The following RIN3 variants were observed in gnomAD, a reference collection of about 807,000 sequenced individuals.
RIN3 encodes RAB5 interacting protein 3.
In RIN3, 54 loss-of-function variants were observed where a neutral mutation model predicts 76.3. That is an observed-to-expected ratio of 0.71 (90% CI 0.57 to 0.89). RIN3 has a LOEUF of 0.89. RIN3 is among the 40% of genes least tolerant of loss of function. The pLI is 0.00. For missense variants in RIN3, 1,256 were observed against 1,322.1 expected, an observed-to-expected ratio of 0.95 and a Z score of 0.78; for synonymous variants, 576 against 564.0, an observed-to-expected ratio of 1.02 and a Z score of -0.30.
chr14:92,680,980 G>A (rs1566903037), intron 8 of RIN3, among the ~76,000 whole-genome samples: 2 of 151,496 alleles, frequency 1.3e-5, no homozygotes, highest in Non-Finnish European at 2.9e-5. Flanking sequence ...CCCTGCCCCT[G>A]TGAAGTCATG....
chr14:92,684,102 A>G (rs930158583), intron 8 of RIN3, among the ~76,000 whole-genome samples: 1 of 152,160 alleles, frequency 6.6e-6, no homozygotes, highest in Non-Finnish European at 1.5e-5. Flanking sequence ...CACACAGTCC[A>G]GCCATGGTGG....
chr14:92,636,295 A>G lies in RIN3; in HGVS notation c.441-4943A>G, dbSNP rs1362159277. On this transcript the variant is annotated intron_variant, in intron 4 of 9. Transcript: ENST00000216487. ...AAGCTTGGATGACCATCAAAAGAAG[A>G]AAAATAGTAGCTGGGCACAGCGGCT... Among the ~76,000 whole-genome samples the G allele has an allele frequency of 3.3e-5, 5 of 152,246 alleles. No homozygotes were observed. In the East Asian group the frequency reaches 9.6e-4, roughly 29 times the overall value.
At position 92,656,681 on chromosome 14, in the gene RIN3, G is replaced by A. The variant is rs1398448451; in HGVS notation, c.2027-2480G>A. Among the ~76,000 whole-genome samples the A allele has an allele frequency of 6.6e-6, 1 of 152,228 alleles. No homozygotes were observed. Among genetic ancestry groups the A allele is most frequent in the Non-Finnish European group, 1.5e-5 (1 of 68,042 alleles). ...TGGGCACGAATGTGTGGGGCAGAGAGGTTTCCAGGCAGTGAGAGGTGGCAG... is the reference window on the plus strand; with the variant it reads ...TGGGCACGAATGTGTGGGGCAGAGAAGTTTCCAGGCAGTGAGAGGTGGCAG... On this transcript the variant is annotated intron_variant, in intron 6 of 9. Transcript: ENST00000216487. The surrounding 1 kb of genome is among the most constrained non-coding windows in gnomAD (Gnocchi z 5.2).
chr14:92,539,141 G>A (rs1897076053), intron 1 of RIN3, among the ~76,000 whole-genome samples: 1 of 151,970 alleles, frequency 6.6e-6, no homozygotes, highest in African/African-American at 2.4e-5. Context: ...GTCTTCTCCA[G>A]TAACTATCTC....
intron 2 of RIN3, among the ~76,000 whole-genome samples, chr14:92,570,347 C>T (rs1399919568): frequency 1.3e-5 from 2 of 151,952 alleles, no homozygotes; most frequent in African/African-American, 2.4e-5. Context: ...CACACACACT[C>T]ACACACACTG....
In RIN3 at chr14:92,624,991, T is replaced by C. The variant is rs531065314; in HGVS notation, c.440+9512T>C. On this transcript the variant is annotated intron_variant, in intron 4 of 9. Transcript: ENST00000216487. Reference sequence around the variant, plus strand: ...TTTCCAGCTCTTATTGAGGCCGTAGTCTCCGGGCCGGTGCTGATGGACTGG... The same window carrying C: ...TTTCCAGCTCTTATTGAGGCCGTAGCCTCCGGGCCGGTGCTGATGGACTGG... Among the ~76,000 whole-genome samples the C allele has an allele frequency of 4.6e-5, 7 of 152,236 alleles. No individual in the cohort carries two copies. The South Asian group carries it at 1.5e-3, about 32-fold the overall frequency.
intron 7 of RIN3, among the ~76,000 whole-genome samples, chr14:92,665,110 C>T (rs1186932094): frequency 2.0e-5 from 3 of 152,222 alleles, no homozygotes; most frequent in Non-Finnish European, 2.9e-5. Context: ...CTAGATGGCA[C>T]AGCCTACTAT....
At chr14:92,558,084 C>A (rs528553727) in intron 2 of RIN3, among the ~76,000 whole-genome samples, 75 of 152,338 alleles carry the variant, frequency 4.9e-4, no homozygotes, top group Non-Finnish European at 8.7e-4. Flanking sequence ...CGCGGTGGCT[C>A]ATGCCTATAA....
intron 1 of RIN3, among the ~76,000 whole-genome samples, chr14:92,544,566 A>G (rs1398804262): frequency 1.3e-5 from 2 of 152,154 alleles, no homozygotes; most frequent in Non-Finnish European, 2.9e-5. Context: ...TTAAAATGCC[A>G]AGAAAAAACA....
At chr14:92,574,533 C>G (rs150724318) in intron 2 of RIN3, among the ~76,000 whole-genome samples, 1 of 152,126 alleles carries the variant, frequency 6.6e-6, no homozygotes, top group Non-Finnish European at 1.5e-5. Context: ...CTATGTTTGC[C>G]GCTTGAGTTT....
chr14:92,559,621 C>T (rs532488305), intron 2 of RIN3, among the ~76,000 whole-genome samples: 7 of 152,114 alleles, frequency 4.6e-5, no homozygotes, highest in Admixed American at 3.3e-4. Flanking sequence ...GGCAGGGCAG[C>T]GAGTTACCTG....
chr14:92,655,411 T>C (rs73332204), intron 6 of RIN3, among the ~76,000 whole-genome samples: 2,029 of 152,156 alleles, frequency 0.013, 53 homozygotes, highest in African/African-American at 0.046. Context: ...AAGTATAGTG[T>C]AAGGAGACAC....
At chr14:92,672,812 A>G (rs1888331785) in intron 7 of RIN3, among the ~76,000 whole-genome samples, 1 of 152,118 alleles carries the variant, frequency 6.6e-6, no homozygotes, top group African/African-American at 2.4e-5. Context: ...CCCATTAGCA[A>G]TCACTCCCCA....
chr14:92,554,568 C>A (rs1255020149), intron 1 of RIN3, among the ~76,000 whole-genome samples: 2 of 152,208 alleles, frequency 1.3e-5, no homozygotes, highest in Non-Finnish European at 2.9e-5. Context: ...TATATTCTGG[C>A]AGCCATATTA....
At chr14:92,527,200 G>A (rs945875097) in intron 1 of RIN3, among the ~76,000 whole-genome samples, 9 of 151,832 alleles carry the variant, frequency 5.9e-5, no homozygotes, top group Admixed American at 4.6e-4. Context: ...ACAGGCGCCC[G>A]CCACCACGCC....
rs1030732997 is a variant in RIN3 at position 92,555,556 on chromosome 14, C to T, written c.45-195C>T. On this transcript the variant is annotated intron_variant, in intron 1 of 9. Coordinates refer to ENST00000216487, the MANE Select transcript of RIN3 (RefSeq NM_024832.5). ...CATCTCGGAGCCTCACATCCTGGGT[C>T]GGGTGGGCTGACGTGTGTTTCCTAC... Among the ~76,000 whole-genome samples the T allele has an allele frequency of 4.6e-5, 7 of 152,186 alleles. 1 individual carries two copies. The highest frequency in any genetic ancestry group is 1.9e-4 in the East Asian group (1 of 5,180).
At chr14:92,674,283 G>A (rs1888386694) in intron 7 of RIN3, among the ~76,000 whole-genome samples, 1 of 152,206 alleles carries the variant, frequency 6.6e-6, no homozygotes, top group Non-Finnish European at 1.5e-5. Flanking sequence ...GCAGTGTAGC[G>A]TGCAGTTGCC....
At chr14:92,518,424 C>T (rs886570018) in intron 1 of RIN3, among the ~76,000 whole-genome samples, 6 of 152,252 alleles carry the variant, frequency 3.9e-5, no homozygotes, top group East Asian at 1.9e-4. Context: ...GATCACAGGG[C>T]GGGGCTAAGT....
chr14:92,580,678 G>A (rs1252385489), intron 3 of RIN3, among the ~76,000 whole-genome samples: 1 of 152,268 alleles, frequency 6.6e-6, no homozygotes, highest in African/African-American at 2.4e-5. Flanking sequence ...GGAAGAAGAG[G>A]CTCTGCCACC....
Sources: allele counts gnomAD v4.1 joint callset (sites outside exome capture counted in the v4.1 genomes callset), GRCh38; gene constraint gnomAD v4.1.1; non-coding constraint Gnocchi (gnomAD v3.1); transcripts MANE v1.5; gene names NCBI Gene and HGNC (gene_info 2026-07-23, HGNC 2026-07-21).